Variants in RPTOR observed in about 807,000 individuals in gnomAD.
RPTOR encodes the protein regulatory associated protein of MTOR complex 1, also known as regulatory-associated protein of mTOR.
Under a neutral mutation model 169.9 loss-of-function variants are expected in RPTOR, and 21 were observed. That is an observed-to-expected ratio of 0.12 (90% CI 0.09 to 0.18). The LOEUF (loss-of-function observed/expected upper bound fraction) is 0.18. Among genes scored for constraint, RPTOR ranks in the 10% least tolerant of loss-of-function variants. The pLI is 1.00. For synonymous variants in RPTOR, 732 were observed against 753.2 expected (o/e 0.97, Z 0.46); for missense variants, 1,133 against 1,855.9 (o/e 0.61, Z 7.16).
chr17:80,602,490 CT>C (rs1164412915), intron 1 of RPTOR: 339 of 359,130 alleles, frequency 9.4e-4, no homozygotes, highest in South Asian at 1.4e-3. Flanking sequence ...GTTTTCTTTT[CT>C]TTTTTTTTGG....
intron 6 of RPTOR, among the ~76,000 whole-genome samples, chr17:80,762,791 G>A (rs2066748246): frequency 6.6e-6 from 1 of 151,918 alleles, no homozygotes; most frequent in South Asian, 2.1e-4. Flanking sequence ...AGGAAGGGGA[G>A]AAACATGAGA....
chr17:80,563,622 CTT>C (rs2084531830), intron 1 of RPTOR, among the ~76,000 whole-genome samples: 1 of 147,066 alleles, frequency 6.8e-6, no homozygotes, highest in African/African-American at 2.5e-5. Flanking sequence ...GTTCTGTTTT[CTT>C]TTTTTGTTTT....
chr17:80,608,125 T>C (rs1204615674), intron 1 of RPTOR, among the ~76,000 whole-genome samples: 1 of 152,236 alleles, frequency 6.6e-6, no homozygotes, highest in East Asian at 1.9e-4. Flanking sequence ...TTGAGAGTGA[T>C]AGACTCTCTC....
At chr17:80,782,936 T>C (rs949045174) in intron 6 of RPTOR, among the ~76,000 whole-genome samples, 1 of 152,210 alleles carries the variant, frequency 6.6e-6, no homozygotes, top group African/African-American at 2.4e-5. Context: ...ACAAGCTGGC[T>C]GTAAATGGGC....
chr17:80,697,607 C>G (rs1413544486), intron 3 of RPTOR, among the ~76,000 whole-genome samples: 1 of 152,166 alleles, frequency 6.6e-6, no homozygotes, highest in Non-Finnish European at 1.5e-5. Context: ...CCGTGCACAG[C>G]CACGTCAGGG....
chr17:80,724,539 C>G (rs1397067742), intron 4 of RPTOR, among the ~76,000 whole-genome samples: 1 of 145,700 alleles, frequency 6.9e-6, no homozygotes, highest in Non-Finnish European at 1.5e-5. Flanking sequence ...TGGCAGTCTT[C>G]CTGTGTATCC....
chr17:80,901,811 G>C (rs2280144), intron 20 of RPTOR, among the ~76,000 whole-genome samples: 38 of 147,488 alleles, frequency 2.6e-4, no homozygotes, highest in East Asian at 4.1e-4. Flanking sequence ...CAGAAGCCCC[G>C]CCCCCAGCGC....
chr17:80,553,802 C>T (rs566409089), intron 1 of RPTOR, among the ~76,000 whole-genome samples: 116 of 151,672 alleles, frequency 7.6e-4, no homozygotes, highest in African/African-American at 2.1e-3. Flanking sequence ...AGTGCAGTGG[C>T]GCGATCTCGG....
At chr17:80,883,329 A>T (rs976340928) in intron 14 of RPTOR, 90 bp from the exon 15 acceptor site, 6 of 1,156,804 alleles carry the variant, frequency 5.2e-6, no homozygotes. Context: ...CACGCGTGTC[A>T]TGAAGATTCC....
chr17:80,874,941 G>C (rs2068090054), intron 13 of RPTOR, among the ~76,000 whole-genome samples: 1 of 152,186 alleles, frequency 6.6e-6, no homozygotes. Context: ...GTATCTCTGT[G>C]ATTGTCTCTG....
chr17:80,739,299 T>C (rs1239325838), intron 5 of RPTOR, among the ~76,000 whole-genome samples: 1 of 150,638 alleles, frequency 6.6e-6, no homozygotes, highest in Non-Finnish European at 1.5e-5. Context: ...GTGCTTTCAC[T>C]GAACACTGAG....
At chr17:80,874,205 C>CCT (rs530490846) in intron 13 of RPTOR, among the ~76,000 whole-genome samples, 1 of 144,578 alleles carries the variant, frequency 6.9e-6, no homozygotes, top group African/African-American at 2.5e-5. Flanking sequence ...AACTAAAGGG[C>CCT]TTTTTTTTTT....
intron 1 of RPTOR, among the ~76,000 whole-genome samples, chr17:80,623,025 A>C (rs767377387): frequency 5.3e-5 from 8 of 152,218 alleles, no homozygotes; most frequent in Non-Finnish European, 1.0e-4. Flanking sequence ...TTGAATAGAG[A>C]ATCTTATCTC....
intron 21 of RPTOR, among the ~76,000 whole-genome samples, chr17:80,919,919 T>TG (rs1034763634): frequency 4.6e-5 from 7 of 152,328 alleles, no homozygotes; most frequent in African/African-American, 1.4e-4. Context: ...GCCGGGGCTC[T>TG]GGGGGTGTAC....
intron 13 of RPTOR, among the ~76,000 whole-genome samples, chr17:80,864,340 T>TCACAGA (rs1491012897): frequency 1.3e-4 from 19 of 148,734 alleles, no homozygotes; most frequent in African/African-American, 4.0e-4. Flanking sequence ...AGGTTTCTTC[T>TCACAGA]TACAGATTTC....
chr17:80,735,549 G>A (rs571230631), intron 5 of RPTOR, among the ~76,000 whole-genome samples: 12 of 152,320 alleles, frequency 7.9e-5, no homozygotes, highest in East Asian at 1.9e-4. Flanking sequence ...AGTCTTGTCC[G>A]TCAGTTTCTT....
rs2069417580 is a variant in RPTOR, at chr17:80,965,613, A to G, written c.*1283A>G. The G allele has an allele frequency of 8.6e-6, 2 of 233,242 alleles. No homozygotes were observed. The highest frequency in any genetic ancestry group is 3.6e-4 in the South Asian group (2 of 5,530). 14.4% of individuals were successfully genotyped at this position (233,242 alleles called of 1,614,324 possible). The stretch of plus-strand genomic sequence containing the variant: ...GCTTCATTCTGGCGGTGAGAGGCCC[A>G]CGACCACGGGAGTGAGAGCTGGTGT... On this transcript the variant is annotated 3_prime_UTR_variant, in exon 34 of 34. Coordinates refer to ENST00000306801, the MANE Select transcript of RPTOR (RefSeq NM_020761.3).
intron 22 of RPTOR, 78 bp from the exon 23 acceptor site, chr17:80,923,412 C>T (rs2068771090): frequency 6.5e-7 from 1 of 1,541,376 alleles, no homozygotes; most frequent in South Asian, 1.1e-5. Flanking sequence ...GCAGGTGGCC[C>T]AGGAAGTTGT....
At chr17:80,630,783 G>T (rs34760119) in intron 2 of RPTOR, among the ~76,000 whole-genome samples, 16,217 of 152,280 alleles carry the variant, frequency 0.11, 960 homozygotes, top group African/African-American at 0.14. Flanking sequence ...TTTTCCCAGG[G>T]CTCCTGCTCC....
Sources: allele counts gnomAD v4.1 joint callset (sites outside exome capture counted in the v4.1 genomes callset), GRCh38; gene constraint gnomAD v4.1.1; transcripts MANE v1.5; gene names NCBI Gene and HGNC (gene_info 2026-07-23, HGNC 2026-07-21).